Variants in SETBP1 observed in about 807,000 individuals in gnomAD.
The protein encoded by SETBP1 is SET-binding protein.
SETBP1 carries 9 observed loss-of-function variants against 101.0 expected under a neutral mutation model. The observed-to-expected ratio is 0.09, with a 90% CI of 0.05 to 0.16. The LOEUF (loss-of-function observed/expected upper bound fraction) is 0.16. Ranked by LOEUF, SETBP1 falls within the 10% of genes least tolerant of loss-of-function variation. The pLI is 1.00. For synonymous variants in SETBP1, 818 were observed against 788.5 expected (o/e 1.04, Z -0.63); for missense variants, 1,858 against 2,033.8 (o/e 0.91, Z 1.66).
chr18:44,951,544 T>C lies in SETBP1; in HGVS notation c.2204T>C (p.Leu735Pro). The C allele has an allele frequency of 6.2e-7, 1 of 1,614,114 alleles. No homozygotes were observed. Among genetic ancestry groups the C allele is most frequent in the Non-Finnish European group, 8.5e-7 (1 of 1,180,036 alleles). Residue 735 changes from leucine to proline, a missense_variant, in exon 4 of 6, where the codon CTG becomes CCG. Leu to Pro is a moderately conservative substitution (Grantham distance 98). Around this residue, in one of 12 missense-constraint regions of SETBP1, gnomAD observed 121 missense variants for 138.0 expected, o/e 0.88. Transcript: ENST00000649279. The surrounding 1 kb of genome is among the most constrained non-coding windows in gnomAD (Gnocchi z 7.8). ...KKRGRKPRAE[L>P]PPPSEEPKTA... ...CGGGGCAGGAAGCCAAGAGCAGAGC[T>C]GCCACCCCCATCCGAAGAACCCAAA... is the stretch of plus-strand genomic sequence containing the variant.
chr18:44,900,561 C>A (rs1303502604), intron 3 of SETBP1, among the ~76,000 whole-genome samples: 2 of 152,166 alleles, frequency 1.3e-5, no homozygotes, highest in Non-Finnish European at 2.9e-5. Flanking sequence ...TGATACATAG[C>A]TAGTACCTTT....
chr18:44,890,614 G>A (rs147504170), intron 3 of SETBP1, among the ~76,000 whole-genome samples: 20 of 152,176 alleles, frequency 1.3e-4, no homozygotes, highest in African/African-American at 4.6e-4. Context: ...CCTCAAAATA[G>A]CCTCAGCCTA....
intron 2 of SETBP1, among the ~76,000 whole-genome samples, chr18:44,860,036 C>T (rs2068968615): frequency 6.6e-6 from 1 of 152,180 alleles, no homozygotes; most frequent in Non-Finnish European, 1.5e-5. Context: ...CATTCTCTGC[C>T]ACTGAGTGAG....
intron 4 of SETBP1, among the ~76,000 whole-genome samples, chr18:44,990,819 AG>A (rs1180043325): frequency 1.3e-5 from 2 of 151,302 alleles, no homozygotes; most frequent in African/African-American, 4.9e-5. Flanking sequence ...AAAAGTGTAA[AG>A]GTATTAACTT....
rs181098552 is a variant in SETBP1 at position 44,963,018 on chromosome 18, G to A, written c.4000+9678G>A. On this transcript the variant is annotated intron_variant, in intron 4 of 5. Transcript: ENST00000649279. ...CATTTGATCTTCAAAATCCAGTGGG[G>A]TCTGCAGATAGGTGTTGCTTTTCCA... Among the ~76,000 whole-genome samples the A allele has an allele frequency of 2.0e-4, 30 of 152,254 alleles. No homozygotes were observed. The East Asian group carries it at 4.8e-3, about 24-fold the overall frequency.
chr18:44,699,058 T>C (rs1357003866), intron 1 of SETBP1, among the ~76,000 whole-genome samples: 1 of 152,226 alleles, frequency 6.6e-6, no homozygotes. Context: ...TCACCTTCTT[T>C]TATTGTATCA....
At chr18:44,884,667 T>C (rs946113968) in intron 3 of SETBP1, among the ~76,000 whole-genome samples, 5 of 152,196 alleles carry the variant, frequency 3.3e-5, no homozygotes, top group Non-Finnish European at 7.4e-5. Flanking sequence ...GGAAATAGTT[T>C]TGATGATTGC....
intron 5 of SETBP1, among the ~76,000 whole-genome samples, chr18:45,053,765 A>ATT (rs35053058): frequency 1.1e-4 from 16 of 151,566 alleles, no homozygotes; most frequent in Non-Finnish European, 1.8e-4. Flanking sequence ...TCTTCCCTCT[A>ATT]TTTTTTTTCA....
chr18:44,989,903 AAAAAT>A (rs1203590689), intron 4 of SETBP1, among the ~76,000 whole-genome samples: 1,460 of 98,880 alleles, frequency 0.015, 278 homozygotes, highest in East Asian at 0.028. Context: ...AAAAAAAAAA[AAAAAT>A]TTATCTAAGT....
At chr18:44,829,741 A>AT (rs1163208731) in intron 2 of SETBP1, among the ~76,000 whole-genome samples, 1 of 152,224 alleles carries the variant, frequency 6.6e-6, no homozygotes, top group Non-Finnish European at 1.5e-5. Flanking sequence ...CGGTCAGTTG[A>AT]TTGAGTCCTT....
intron 2 of SETBP1, among the ~76,000 whole-genome samples, chr18:44,777,162 A>G (rs1040148950): frequency 6.6e-6 from 1 of 152,132 alleles, no homozygotes; most frequent in Non-Finnish European, 1.5e-5. Context: ...ACAAAAAATT[A>G]AAAAATTAGC....
At chr18:44,869,441 C>T (rs2069218351) in intron 3 of SETBP1, 158 bp downstream of exon 3, 2 of 710,652 alleles carry the variant, frequency 2.8e-6, no homozygotes, top group Non-Finnish European at 5.1e-6. Context: ...TTGCTCTCCT[C>T]CTCCAGCTCC....
intron 4 of SETBP1, among the ~76,000 whole-genome samples, chr18:44,962,160 T>A (rs1401705787): frequency 6.6e-6 from 1 of 152,176 alleles, no homozygotes; most frequent in Non-Finnish European, 1.5e-5. Flanking sequence ...CCATGCTAAC[T>A]CATTGGCCAA....
intron 3 of SETBP1, among the ~76,000 whole-genome samples, chr18:44,947,743 T>A (rs1208678636): frequency 1.3e-5 from 2 of 152,088 alleles, no homozygotes; most frequent in African/African-American, 2.4e-5. Flanking sequence ...CGACCTCAGG[T>A]GATCTGCCCG....
intron 3 of SETBP1, among the ~76,000 whole-genome samples, chr18:44,880,912 T>A (rs967548933): frequency 6.6e-6 from 1 of 152,180 alleles, no homozygotes; most frequent in Non-Finnish European, 1.5e-5. Flanking sequence ...ATCCAAACTA[T>A]ATCAAGCATG....
chr18:44,955,086 T>G (rs2071453168), intron 4 of SETBP1, among the ~76,000 whole-genome samples: 1 of 152,198 alleles, frequency 6.6e-6, no homozygotes, highest in Non-Finnish European at 1.5e-5. Context: ...CAGACGTTGT[T>G]GCATGTTAGG....
chr18:44,825,031 A>G (rs2072203685), intron 2 of SETBP1, among the ~76,000 whole-genome samples: 1 of 152,200 alleles, frequency 6.6e-6, no homozygotes, highest in Non-Finnish European at 1.5e-5. Flanking sequence ...ACCTAAACAT[A>G]TAGAGTTACT....
At chr18:44,897,429 A>G (rs1311579136) in intron 3 of SETBP1, among the ~76,000 whole-genome samples, 2 of 152,156 alleles carry the variant, frequency 1.3e-5, no homozygotes, top group East Asian at 3.9e-4. Context: ...AAAAAAAAAT[A>G]AAGTCTGCCC....
At chr18:45,049,047 G>C (rs752849056) in intron 5 of SETBP1, among the ~76,000 whole-genome samples, 13 of 148,614 alleles carry the variant, frequency 8.7e-5, no homozygotes, top group Non-Finnish European at 1.5e-4. Context: ...TTAACACTAC[G>C]TGGGAAGGCC....
Sources: gnomAD v4.1 joint callset for allele counts (sites outside exome capture counted in the v4.1 genomes callset) on GRCh38, gnomAD v4.1.1 for gene constraint, gnomAD v4.1.1 regional missense constraint, Gnocchi (gnomAD v3.1) non-coding constraint, MANE v1.5 for transcripts, NCBI Gene and HGNC (gene_info 2026-07-23, HGNC 2026-07-21) for gene names.